The following IFFO2 variants were observed in gnomAD, a reference collection of about 807,000 sequenced individuals.
The protein encoded by IFFO2 is intermediate filament family orphan 2.
A neutral mutation model predicts 53.5 loss-of-function variants in IFFO2; 19 were observed. The observed-to-expected ratio is 0.36, with a 90% CI of 0.25 to 0.52. IFFO2 has a LOEUF of 0.52. IFFO2 is among the 20% of genes least tolerant of loss of function. IFFO2 has a pLI of 0.94. For missense variants in IFFO2, 570 were observed against 727.4 expected, an observed-to-expected ratio of 0.78 and a Z score of 2.49; for synonymous variants, 303 against 313.6, an observed-to-expected ratio of 0.97 and a Z score of 0.36.
intron 1 of IFFO2, among the ~76,000 whole-genome samples, chr1:18,937,771 T>C (rs1017407287): frequency 6.6e-6 from 1 of 152,246 alleles, no homozygotes; most frequent in African/African-American, 2.4e-5. Flanking sequence ...CAGCCGCCAC[T>C]GGAGGGCAGA....
At chr1:18,951,168 T>C (rs1313866257) in intron 1 of IFFO2, among the ~76,000 whole-genome samples, 1 of 152,190 alleles carries the variant, frequency 6.6e-6, no homozygotes, top group Non-Finnish European at 1.5e-5. Context: ...AATGGAATAC[T>C]TTTTGGACAG....
chr1:18,912,307 G>A (rs993895011), intron 5 of IFFO2, among the ~76,000 whole-genome samples: 2 of 104,464 alleles, frequency 1.9e-5, no homozygotes, highest in Non-Finnish European at 4.9e-5. Flanking sequence ...TTAAAAATGT[G>A]TATTTTTTTT....
intron 1 of IFFO2, among the ~76,000 whole-genome samples, chr1:18,955,001 G>T (rs1360726697): frequency 1.3e-5 from 2 of 152,206 alleles, no homozygotes; most frequent in Non-Finnish European, 2.9e-5. Context: ...TGTAGTTGTG[G>T]TTATCCAACC....
intron 1 of IFFO2, among the ~76,000 whole-genome samples, chr1:18,927,959 C>T (rs565894710): frequency 2.6e-5 from 4 of 152,292 alleles, no homozygotes; most frequent in South Asian, 2.1e-4. Flanking sequence ...AAAGAAAATC[C>T]GATAAGGGAG....
In IFFO2 at chr1:18,917,197, G is replaced by A. The variant is rs185807870; in HGVS notation, c.964-155C>T. Reference sequence around the variant, plus strand: ...GGTGCAGGTCCTCTAAGAAGCAGGCGGCGTTAGCAGGAAGCGCGAGGTGGG... The same window carrying A: ...GGTGCAGGTCCTCTAAGAAGCAGGCAGCGTTAGCAGGAAGCGCGAGGTGGG... On this transcript the variant is annotated intron_variant, in intron 4 of 8. Coordinates refer to ENST00000455833, the MANE Select transcript of IFFO2 (RefSeq NM_001136265.2). The surrounding 1 kb of genome is among the most constrained non-coding windows in gnomAD (Gnocchi z 5.9). Among the ~76,000 whole-genome samples the A allele has an allele frequency of 8.5e-5, 13 of 152,310 alleles. No homozygotes were observed. Among genetic ancestry groups the A allele is most frequent in the African/African-American group, 2.4e-4 (10 of 41,558 alleles).
chr1:18,937,599 C>A (rs1374791108), intron 1 of IFFO2, among the ~76,000 whole-genome samples: 1 of 152,176 alleles, frequency 6.6e-6, no homozygotes, highest in Non-Finnish European at 1.5e-5. Flanking sequence ...TCCCAGGGAC[C>A]CTTCCATGAC....
Position 18,956,078 on chromosome 1 carries a change from C to T in IFFO2, c.255G>A (p.Leu85=), listed in dbSNP as rs1230858910. ...GCTCGCGCTCGCTCTGCTGCTGCTC[C>T]AGCTGCTTCTCCAGCAGCCGGTTGC... ...ERRNRLLEKQ[L]EQQQSERERR... Residue 85 remains leucine (L), a synonymous_variant, in exon 1 of 9, where the codon CTG becomes CTA. Transcript: ENST00000455833. The surrounding 1 kb of genome is among the most constrained non-coding windows in gnomAD (Gnocchi z 6.4). 1 of 1,498,262 alleles carries T rather than the reference C, an allele frequency of 6.7e-7. No individual in the cohort carries two copies. 92.8% of individuals were successfully genotyped at this position (1,498,262 alleles called of 1,614,324 possible).
chr1:18,950,621 G>A (rs1384354076), intron 1 of IFFO2, among the ~76,000 whole-genome samples: 2 of 152,212 alleles, frequency 1.3e-5, no homozygotes, highest in African/African-American at 4.8e-5. Flanking sequence ...TAAAGAATCC[G>A]TATCGGTGCC....
Position 18,936,747 on chromosome 1 carries a change from TATC to T in IFFO2, c.666-15629_666-15627del, listed in dbSNP as rs1162208187. On this transcript the variant is annotated intron_variant, in intron 1 of 8. Coordinates refer to ENST00000455833, the MANE Select transcript of IFFO2 (RefSeq NM_001136265.2). This position sits in a 1 kb window ranked among gnomAD's most constrained non-coding sequence, Gnocchi z 4.5. Reference sequence around the variant, plus strand: ...GCTGCCTGGGAGCCCAGATTTTCCTTATCATGTGCAGCCTGAAAAAATGAGGGG... The same window carrying T: ...GCTGCCTGGGAGCCCAGATTTTCCTTATGTGCAGCCTGAAAAAATGAGGGG... 9.2e-5 allele frequency among the ~76,000 whole-genome samples: 14 copies of T among 152,226 alleles called. No individual in the cohort carries two copies. The highest frequency in any genetic ancestry group is 3.4e-3 in the Middle Eastern group (1 of 292).
Position 18,928,719 on chromosome 1 carries a change from C to T in IFFO2, c.666-7598G>A, listed in dbSNP as rs751159263. ...GAGGTCCTGGTTCATGCCCTGGCTG[C>T]GTTGCTAATTTGCTGCATGACCCTG... On this transcript the variant is annotated intron_variant, in intron 1 of 8. Coordinates refer to ENST00000455833, the MANE Select transcript of IFFO2 (RefSeq NM_001136265.2). This position sits in a 1 kb window ranked among gnomAD's most constrained non-coding sequence, Gnocchi z 4.9. 4.6e-5 allele frequency among the ~76,000 whole-genome samples: 7 copies of T among 152,206 alleles called. No individual in the cohort carries two copies. The highest frequency in any genetic ancestry group is 1.9e-4 in the East Asian group (1 of 5,188).
chr1:18,915,354 G>A (rs35855786), intron 5 of IFFO2, among the ~76,000 whole-genome samples: 12,448 of 141,644 alleles, frequency 0.088, 681 homozygotes, highest in East Asian at 0.21. Flanking sequence ...CTTCCGGGAG[G>A]TGGCAGAGCC....
intron 8 of IFFO2, among the ~76,000 whole-genome samples, chr1:18,909,469 A>G (rs1431476865): frequency 6.6e-6 from 1 of 152,090 alleles, no homozygotes; most frequent in Non-Finnish European, 1.5e-5. Context: ...TCCCACCCAA[A>G]TTGCATCTGG....
At position 18,933,547 on chromosome 1, in the gene IFFO2, C is replaced by T. The variant is rs566169121; in HGVS notation, c.666-12426G>A. Among the ~76,000 whole-genome samples the T allele has an allele frequency of 3.3e-5, 5 of 152,298 alleles. No individual in the cohort carries two copies. The East Asian group carries it at 9.7e-4, about 29-fold the overall frequency. ...CCCAGCACTTTGGGCAGGTGGATCACTTGAGCCCAGGAGTTCCAGACCAGC... is the reference window on the plus strand; with the variant it reads ...CCCAGCACTTTGGGCAGGTGGATCATTTGAGCCCAGGAGTTCCAGACCAGC... On this transcript the variant is annotated intron_variant, in intron 1 of 8. Coordinates refer to ENST00000455833, the MANE Select transcript of IFFO2 (RefSeq NM_001136265.2).
intron 1 of IFFO2, among the ~76,000 whole-genome samples, chr1:18,922,017 C>T (rs1256221257): frequency 6.6e-6 from 1 of 152,140 alleles, no homozygotes; most frequent in African/African-American, 2.4e-5. Context: ...GAAGTTAATT[C>T]AATCCTCGTA....
At chr1:18,913,831 G>T (rs1368815159) in intron 5 of IFFO2, among the ~76,000 whole-genome samples, 1 of 146,642 alleles carries the variant, frequency 6.8e-6, no homozygotes, top group African/African-American at 2.6e-5. Flanking sequence ...TTGTTTTTTT[G>T]TTTGTTTGTT....
At chr1:18,945,713 G>A (rs1011314768) in intron 1 of IFFO2, among the ~76,000 whole-genome samples, 2 of 152,226 alleles carry the variant, frequency 1.3e-5, no homozygotes, top group Non-Finnish European at 2.9e-5. Flanking sequence ...CACATGGAGG[G>A]GCTTCTGCCA....
intron 1 of IFFO2, among the ~76,000 whole-genome samples, chr1:18,953,726 A>C (rs1569871563): frequency 6.6e-6 from 1 of 151,984 alleles, no homozygotes; most frequent in East Asian, 1.9e-4. Flanking sequence ...AGACGCCCGC[A>C]CTCCACCTGT....
At chr1:18,931,551 G>A (rs1191114500) in intron 1 of IFFO2, among the ~76,000 whole-genome samples, 1 of 152,148 alleles carries the variant, frequency 6.6e-6, no homozygotes, top group Non-Finnish European at 1.5e-5. Flanking sequence ...TGGCATCCAG[G>A]GGCTGTGAAT....
rs1936184569 is a variant in IFFO2 at position 18,919,483 on chromosome 1, G to A, written c.822+195C>T. On this transcript the variant is annotated intron_variant, in intron 3 of 8. Coordinates refer to ENST00000455833, the MANE Select transcript of IFFO2 (RefSeq NM_001136265.2). This position sits in a 1 kb window ranked among gnomAD's most constrained non-coding sequence, Gnocchi z 4.9. ...TGCATCTCTACTCAGACCGAGGGAA[G>A]CAGAAGTGGGGAGGGGGCGGGAGGA... Among the ~76,000 whole-genome samples the A allele has an allele frequency of 6.6e-6, 1 of 151,406 alleles. No homozygotes were observed. The highest frequency in any genetic ancestry group is 2.4e-5 in the African/African-American group (1 of 41,252).
Sources: gnomAD v4.1 joint callset for allele counts (sites outside exome capture counted in the v4.1 genomes callset) on GRCh38, gnomAD v4.1.1 for gene constraint, Gnocchi (gnomAD v3.1) non-coding constraint, MANE v1.5 for transcripts, NCBI Gene and HGNC (gene_info 2026-07-23, HGNC 2026-07-21) for gene names.